ADGRL3: variants seen among roughly 807,000 people sequenced by gnomAD.
ADGRL3 encodes the protein adhesion G protein-coupled receptor L3, also known as calcium-independent alpha-latrotoxin receptor 3.
A neutral mutation model predicts 153.5 loss-of-function variants in ADGRL3; 62 were observed. The observed-to-expected ratio is 0.40, with a 90% confidence interval of 0.33 to 0.50. The LOEUF is 0.50. ADGRL3 is among the 20% of genes least tolerant of loss of function. The pLI, the probability that ADGRL3 is intolerant of heterozygous loss-of-function variation, is 0.47. For missense variants in ADGRL3, 1,641 were observed against 1,859.4 expected (o/e 0.88, Z 2.16); for synonymous variants, 710 against 672.5 (o/e 1.06, Z -0.86).
At chr4:61,621,075 T>C (rs974104988) in intron 5 of ADGRL3, among the ~76,000 whole-genome samples, 5 of 152,318 alleles carry the variant, frequency 3.3e-5, no homozygotes, top group Middle Eastern at 3.4e-3. Flanking sequence ...TAAAGTATTT[T>C]TAGGACTCTT....
chr4:61,902,136 G>T (rs1191139056), intron 11 of ADGRL3, among the ~76,000 whole-genome samples: 2 of 152,164 alleles, frequency 1.3e-5, no homozygotes, highest in Non-Finnish European at 2.9e-5. Flanking sequence ...CACTTTGGGT[G>T]CCACTGGAGA....
chr4:61,805,434 A>T (rs1271663370), intron 8 of ADGRL3, among the ~76,000 whole-genome samples: 1 of 152,178 alleles, frequency 6.6e-6, no homozygotes, highest in Non-Finnish European at 1.5e-5. Context: ...TCCTCTAGGG[A>T]ACAAACCTCT....
At chr4:61,388,149 A>G (rs926015889) in intron 2 of ADGRL3, among the ~76,000 whole-genome samples, 17 of 152,056 alleles carry the variant, frequency 1.1e-4, no homozygotes, top group Non-Finnish European at 2.1e-4. Flanking sequence ...AAAACAACTG[A>G]GATAAAGAGC....
At chr4:61,576,122 G>A (rs2098878561) in intron 4 of ADGRL3, among the ~76,000 whole-genome samples, 1 of 151,620 alleles carries the variant, frequency 6.6e-6, no homozygotes, top group Admixed American at 6.6e-5. Context: ...GCTGGTTTTT[G>A]TCCTTTCAGA....
chr4:61,456,121 A>G (rs2097733228), intron 2 of ADGRL3, among the ~76,000 whole-genome samples: 1 of 151,928 alleles, frequency 6.6e-6, no homozygotes, highest in Admixed American at 6.6e-5. Context: ...CATTATTTTA[A>G]GAAATACATT....
At chr4:61,508,971 T>C (rs2152860222) in intron 3 of ADGRL3, among the ~76,000 whole-genome samples, 1 of 152,134 alleles carries the variant, frequency 6.6e-6, no homozygotes, top group East Asian at 1.9e-4. Context: ...TCAGATCTTG[T>C]GAAACTTATT....
chr4:61,296,709 C>T (rs73822600), intron 1 of ADGRL3, among the ~76,000 whole-genome samples: 2,355 of 152,198 alleles, frequency 0.015, 63 homozygotes, highest in African/African-American at 0.054. Context: ...TGAAGACTCT[C>T]ATTTTCAAAA....
At chr4:61,834,548 C>T (rs2097911659) in intron 9 of ADGRL3, among the ~76,000 whole-genome samples, 1 of 152,120 alleles carries the variant, frequency 6.6e-6, no homozygotes, top group South Asian at 2.1e-4. Context: ...GTTTCAATCC[C>T]TCCCTTTGGG....
chr4:62,031,273 A>G (rs1721894535), intron 22 of ADGRL3, among the ~76,000 whole-genome samples, 169 bp from the exon 23 acceptor site: 1 of 151,680 alleles, frequency 6.6e-6, no homozygotes, highest in African/African-American at 2.4e-5. Flanking sequence ...CTCAAGCTTG[A>G]AAACTTGTAG....
intron 2 of ADGRL3, among the ~76,000 whole-genome samples, chr4:61,450,409 T>C (rs2152516485): frequency 6.6e-6 from 1 of 152,282 alleles, no homozygotes; most frequent in East Asian, 1.9e-4. Flanking sequence ...CATTTACCCA[T>C]TTGTGATTTA....
chr4:61,996,207 A>G (rs918546824), intron 19 of ADGRL3, 84 bp from the exon 20 acceptor site: 14 of 815,680 alleles, frequency 1.7e-5, no homozygotes, highest in African/African-American at 6.9e-5. Flanking sequence ...TGCAGCTCAC[A>G]TTCTTCTCTG....
intron 9 of ADGRL3, among the ~76,000 whole-genome samples, chr4:61,816,846 GAC>G (rs2097694046): frequency 6.6e-6 from 1 of 152,126 alleles, no homozygotes. Flanking sequence ...AGCAGCTCTG[GAC>G]CCAGCCATCC....
chr4:61,352,339 CT>C (rs1168997410), intron 1 of ADGRL3, among the ~76,000 whole-genome samples: 4 of 151,742 alleles, frequency 2.6e-5, no homozygotes, highest in Admixed American at 2.0e-4. Context: ...AAGATATGTA[CT>C]TTTTTTAGAC....
At chr4:61,872,289 A>G (rs2098450086) in intron 9 of ADGRL3, among the ~76,000 whole-genome samples, 1 of 152,164 alleles carries the variant, frequency 6.6e-6, no homozygotes, top group South Asian at 2.1e-4. Context: ...GTACAGACAA[A>G]TAGAGAATGA....
intron 25 of ADGRL3, among the ~76,000 whole-genome samples, chr4:62,046,357 A>G (rs1269748198): frequency 6.6e-6 from 1 of 151,940 alleles, no homozygotes; most frequent in Non-Finnish European, 1.5e-5. Context: ...AAAAACTGCT[A>G]TGAATGCAAA....
chr4:61,455,848 C>T (rs1325340111), intron 2 of ADGRL3, among the ~76,000 whole-genome samples: 1 of 152,038 alleles, frequency 6.6e-6, no homozygotes, highest in African/African-American at 2.4e-5. Context: ...CAGAGTCTCA[C>T]TCTATCTCCC....
At position 62,071,217 on chromosome 4, in the gene ADGRL3, G is replaced by T. The variant is rs1043742429; in HGVS notation, c.*309G>T. 4.1e-6 allele frequency: 1 copy of T among 246,912 alleles called. No individual in the cohort carries two copies. The highest frequency in any genetic ancestry group is 7.9e-6 in the Non-Finnish European group (1 of 127,272). 15.3% of individuals were successfully genotyped at this position (246,912 alleles called of 1,614,324 possible). On this transcript the variant is annotated 3_prime_UTR_variant, in exon 27 of 27. Transcript: ENST00000683033. ...CATTGTGGCCTTGTTGAATTATGTT[G>T]TGTATGTTTTAACATCTCTGATGCT...
Position 61,403,083 on chromosome 4 carries a change from T to C in ADGRL3, c.-174+19894T>C, listed in dbSNP as rs1320979495. Among the ~76,000 whole-genome samples, 8 of 151,584 alleles carry C rather than the reference T, an allele frequency of 5.3e-5. 1 individual carries two copies. Among genetic ancestry groups the C allele is most frequent in the Non-Finnish European group, 1.2e-4 (8 of 67,920 alleles). On this transcript the variant is annotated intron_variant, in intron 2 of 26. Coordinates refer to ENST00000683033, the MANE Select transcript of ADGRL3 (RefSeq NM_001387552.1). ...GTGTGCACACAGGGAGCGGGAACTC[T>C]CTGGTGTCTCTTCTTATAAGAGCAC...
intron 17 of ADGRL3, among the ~76,000 whole-genome samples, chr4:61,974,148 T>C (rs1490296455): frequency 6.6e-6 from 1 of 151,992 alleles, no homozygotes; most frequent in Non-Finnish European, 1.5e-5. Flanking sequence ...TGGTATTTCT[T>C]GTAGAGATGG....
Sources: allele counts gnomAD v4.1 joint callset (sites outside exome capture counted in the v4.1 genomes callset), GRCh38; gene constraint gnomAD v4.1.1; transcripts MANE v1.5; gene names NCBI Gene and HGNC (gene_info 2026-07-23, HGNC 2026-07-21).